Variants in EYS observed in about 807,000 individuals in gnomAD.
EYS encodes EGF-like photoreceptor maintenance factor.
EYS carries 250 observed loss-of-function variants against 282.1 expected under a neutral mutation model. The observed-to-expected ratio is 0.89, with a 90% CI of 0.80 to 0.98. The LOEUF (loss-of-function observed/expected upper bound fraction) is 0.98, where lower values mean the gene tolerates loss of function less well. EYS is among the 50% of genes least tolerant of loss of function. EYS has a pLI of 0.00. For synonymous variants in EYS, 1,355 were observed against 1,282.9 expected (o/e 1.06, Z -1.20); for missense variants, 4,016 against 3,709.0 (o/e 1.08, Z -2.15).
chr6:63,726,954 T>C (rs1188471330), intron 41 of EYS, among the ~76,000 whole-genome samples: 1 of 152,186 alleles, frequency 6.6e-6, no homozygotes, highest in Non-Finnish European at 1.5e-5. Flanking sequence ...ACAAATCTTC[T>C]GCTCTAGATT....
At chr6:65,040,676 G>A (rs572757167) in intron 13 of EYS, among the ~76,000 whole-genome samples, 2 of 151,642 alleles carry the variant, frequency 1.3e-5, no homozygotes, top group East Asian at 2.0e-4. Flanking sequence ...TCTAGGCTTT[G>A]CCAAATGTCT....
intron 14 of EYS, among the ~76,000 whole-genome samples, chr6:64,972,676 T>C (rs1253554647): frequency 1.3e-5 from 2 of 152,194 alleles, no homozygotes; most frequent in Non-Finnish European, 2.9e-5. Flanking sequence ...GCATATAATA[T>C]AGAAAACGTG....
chr6:64,347,760 T>C (rs1771464164), intron 29 of EYS, among the ~76,000 whole-genome samples: 1 of 151,358 alleles, frequency 6.6e-6, no homozygotes, highest in Admixed American at 6.6e-5. Context: ...TTAAATGTGT[T>C]TATTTGTCTT....
intron 31 of EYS, among the ~76,000 whole-genome samples, chr6:64,213,296 T>A (rs1765836885): frequency 6.6e-6 from 1 of 152,136 alleles, no homozygotes; most frequent in Admixed American, 6.6e-5. Context: ...AAAACCTTTC[T>A]AAATCTTCAT....
chr6:64,900,236 T>C (rs1350158333), intron 18 of EYS, among the ~76,000 whole-genome samples: 1 of 152,186 alleles, frequency 6.6e-6, no homozygotes, highest in Non-Finnish European at 1.5e-5. Context: ...TAACTCAAGA[T>C]GGATTAAAGA....
At chr6:65,589,311 A>C (rs1036756298) in intron 2 of EYS, among the ~76,000 whole-genome samples, 3 of 151,860 alleles carry the variant, frequency 2.0e-5, no homozygotes, top group African/African-American at 7.3e-5. Flanking sequence ...AATTCCTCTC[A>C]TTTGACTCTT....
At chr6:64,564,573 G>A (rs1253466588) in intron 26 of EYS, among the ~76,000 whole-genome samples, 3 of 151,982 alleles carry the variant, frequency 2.0e-5, no homozygotes, top group Non-Finnish European at 4.4e-5. Flanking sequence ...GAGCCACCAT[G>A]CCCAGCCTTT....
At chr6:63,752,858 G>A (rs1469749437) in intron 41 of EYS, among the ~76,000 whole-genome samples, 9 of 152,044 alleles carry the variant, frequency 5.9e-5, no homozygotes, top group African/African-American at 2.2e-4. Flanking sequence ...GTACCAGGAC[G>A]TAGTGCTCTG....
intron 14 of EYS, among the ~76,000 whole-genome samples, chr6:64,991,097 C>T (rs946817891): frequency 1.3e-5 from 2 of 151,520 alleles, no homozygotes; most frequent in Admixed American, 6.6e-5. Context: ...TTACATCATA[C>T]AGGGAAAAGA....
At chr6:64,890,210 T>C (rs911120872) in intron 18 of EYS, among the ~76,000 whole-genome samples, 1 of 152,122 alleles carries the variant, frequency 6.6e-6, no homozygotes, top group Non-Finnish European at 1.5e-5. Flanking sequence ...TGATAAGATG[T>C]TATCAATGAC....
chr6:65,484,208 C>T (rs1284927459), intron 5 of EYS, among the ~76,000 whole-genome samples: 3 of 151,688 alleles, frequency 2.0e-5, no homozygotes, highest in Non-Finnish European at 4.4e-5. Flanking sequence ...CAAGATAGCA[C>T]CAGTTTATGC....
intron 12 of EYS, among the ~76,000 whole-genome samples, chr6:65,225,289 CTATAA>C (rs1291708810): frequency 2.0e-5 from 3 of 149,120 alleles, no homozygotes; most frequent in South Asian, 2.1e-4. Flanking sequence ...ATATTTGAAT[CTATAA>C]TATAATATAT....
intron 39 of EYS, among the ~76,000 whole-genome samples, chr6:63,780,498 C>G (rs575763254): frequency 3.1e-4 from 47 of 152,218 alleles, no homozygotes; most frequent in East Asian, 1.5e-3. Context: ...CTGATGGCCA[C>G]TGATGATGAG....
intron 4 of EYS, chr6:65,491,270 T>TACACACACAC (rs57650145): frequency 1.5e-3 from 248 of 170,152 alleles, no homozygotes; most frequent in South Asian, 3.9e-3. Flanking sequence ...ATCAGTTATA[T>TACACACACAC]ACACACACAC....
intron 36 of EYS, among the ~76,000 whole-genome samples, chr6:63,849,295 T>C (rs565420331): frequency 1.3e-5 from 2 of 152,312 alleles, no homozygotes; most frequent in South Asian, 4.1e-4. Flanking sequence ...CTGCTGGCTC[T>C]GAAGAGAGCA....
At chr6:64,081,485 C>A (rs1380429670) in intron 32 of EYS, among the ~76,000 whole-genome samples, 3 of 152,136 alleles carry the variant, frequency 2.0e-5, no homozygotes, top group Non-Finnish European at 4.4e-5. Context: ...TGAACCCCAG[C>A]TTTGGAATGC....
intron 12 of EYS, among the ~76,000 whole-genome samples, chr6:65,254,203 C>T (rs975734019): frequency 4.0e-5 from 6 of 151,880 alleles, no homozygotes; most frequent in Middle Eastern, 6.8e-3. Flanking sequence ...AATCCCTTCC[C>T]GCACCCACAC....
chr6:63,945,455 G>A (rs1451578601), intron 35 of EYS, among the ~76,000 whole-genome samples: 1 of 152,114 alleles, frequency 6.6e-6, no homozygotes, highest in East Asian at 1.9e-4. Flanking sequence ...AACCATATCA[G>A]CCATATATAC....
intron 19 of EYS, among the ~76,000 whole-genome samples, chr6:64,833,753 T>C (rs1765294432): frequency 6.6e-6 from 1 of 151,898 alleles, no homozygotes; most frequent in Admixed American, 6.6e-5. Flanking sequence ...ATAAGGAAAG[T>C]ACATGATAAG....
Sources: allele counts gnomAD v4.1 joint callset (sites outside exome capture counted in the v4.1 genomes callset), GRCh38; gene constraint gnomAD v4.1.1; transcripts MANE v1.5; gene names NCBI Gene and HGNC (gene_info 2026-07-23, HGNC 2026-07-21).